The following ADGRL3 variants were observed in gnomAD, a reference collection of about 807,000 sequenced individuals.
The protein encoded by ADGRL3 is calcium-independent alpha-latrotoxin receptor 3.
A neutral mutation model predicts 153.5 loss-of-function variants in ADGRL3; 62 were observed. The observed-to-expected ratio is 0.40, with a 90% CI of 0.33 to 0.50. The LOEUF (loss-of-function observed/expected upper bound fraction) is 0.50, where lower values mean the gene tolerates loss of function less well. ADGRL3 is among the 20% of genes least tolerant of loss of function. ADGRL3 has a pLI of 0.47. For synonymous variants in ADGRL3, 710 were observed against 672.5 expected (o/e 1.06, Z -0.86); for missense variants, 1,641 against 1,859.4 (o/e 0.88, Z 2.16).
intron 5 of ADGRL3, among the ~76,000 whole-genome samples, chr4:61,588,830 C>A (rs2098957398): frequency 6.6e-6 from 1 of 151,880 alleles, no homozygotes; most frequent in Admixed American, 6.6e-5. Flanking sequence ...GCAGTGGGCA[C>A]TATGACTAAA....
At chr4:61,379,658 A>C (rs1031540045) in intron 1 of ADGRL3, among the ~76,000 whole-genome samples, 3 of 152,074 alleles carry the variant, frequency 2.0e-5, no homozygotes, top group African/African-American at 7.2e-5. Flanking sequence ...ATAGTTCAGT[A>C]GGTGATGCCA....
intron 9 of ADGRL3, among the ~76,000 whole-genome samples, chr4:61,826,718 AGAG>A (rs2097805470): frequency 1.3e-5 from 2 of 152,074 alleles, no homozygotes; most frequent in African/African-American, 2.4e-5. Context: ...TGACTTAGAG[AGAG>A]GTAAATCCAA....
At chr4:61,674,552 C>A (rs1034289109) in intron 5 of ADGRL3, among the ~76,000 whole-genome samples, 7 of 151,740 alleles carry the variant, frequency 4.6e-5, no homozygotes, top group Non-Finnish European at 1.5e-5. Flanking sequence ...ATTCACACAT[C>A]AGAATTAATA....
rs1280651592 is a variant in ADGRL3, at chr4:61,892,866, A to C, written c.1691A>C (p.Glu564Ala). 1.2e-6 allele frequency: 2 copies of C among 1,608,708 alleles called. No homozygotes were observed. The highest frequency in any genetic ancestry group is 8.5e-7 in the Non-Finnish European group (1 of 1,178,312). The change falls in exon 10 of 27, where the codon GAG becomes GCG. Residue 564 changes from glutamate (E) to alanine (A), a missense_variant. By Grantham distance (107) the Glu-to-Ala change is moderately radical. Around this residue, in one of 5 missense-constraint regions of ADGRL3, gnomAD observed 734 missense variants for 797.0 expected, o/e 0.92. Coordinates refer to ENST00000683033, the MANE Select transcript of ADGRL3 (RefSeq NM_001387552.1). ...TCGTCCCAAATCCCAGCTCTCGAAGAGAGCTGTGAGGCTGTGGAAGCCCGA... is the reference window on the plus strand; with the variant it reads ...TCGTCCCAAATCCCAGCTCTCGAAGCGAGCTGTGAGGCTGTGGAAGCCCGA... ...SASSQIPALE[E>A]SCEAVEAREI...
chr4:61,249,047 C>A (rs1472001651), intron 1 of ADGRL3, among the ~76,000 whole-genome samples: 1 of 152,140 alleles, frequency 6.6e-6, no homozygotes, highest in Non-Finnish European at 1.5e-5. Context: ...CTGTTTCCAA[C>A]AGGATGCAAA....
chr4:61,485,293 A>C (rs1388164697), intron 2 of ADGRL3, among the ~76,000 whole-genome samples: 1 of 152,226 alleles, frequency 6.6e-6, no homozygotes, highest in East Asian at 1.9e-4. Context: ...GAATTGCAAA[A>C]GAGACCACAT....
chr4:61,707,286 A>G (rs1377395898), intron 6 of ADGRL3, among the ~76,000 whole-genome samples: 1 of 152,240 alleles, frequency 6.6e-6, no homozygotes, highest in Non-Finnish European at 1.5e-5. Context: ...AAAATGTGAC[A>G]CAGAGACACC....
intron 1 of ADGRL3, among the ~76,000 whole-genome samples, chr4:61,367,440 ATG>A (rs1232770112): frequency 7.2e-6 from 1 of 139,710 alleles, no homozygotes; most frequent in Admixed American, 7.4e-5. Context: ...TCCTGTGTCC[ATG>A]TGTTCTCATT....
intron 4 of ADGRL3, among the ~76,000 whole-genome samples, chr4:61,551,981 G>A (rs1445876046): frequency 6.6e-6 from 1 of 152,048 alleles, no homozygotes; most frequent in African/African-American, 2.4e-5. Flanking sequence ...AAAATGTAGA[G>A]GTTATCACTC....
chr4:61,758,158 G>T (rs1241549916), intron 8 of ADGRL3, among the ~76,000 whole-genome samples: 1 of 152,094 alleles, frequency 6.6e-6, no homozygotes, highest in Non-Finnish European at 1.5e-5. Flanking sequence ...TTCAATTCCT[G>T]GAAATCCCTG....
At chr4:61,364,015 G>A (rs4860411) in intron 1 of ADGRL3, among the ~76,000 whole-genome samples, 82,416 of 151,736 alleles carry the variant, frequency 0.54, 24,247 homozygotes, top group Middle Eastern at 0.74. Flanking sequence ...AATATATGCC[G>A]TCCTCTGGGT....
chr4:62,044,652 A>G, intron 25 of ADGRL3, 103 bp downstream of exon 25: 1 of 686,498 alleles, frequency 1.5e-6, no homozygotes, highest in Non-Finnish European at 2.4e-6. Context: ...TCCACATGAT[A>G]GAAACATTGT....
chr4:61,672,562 A>G (rs1561039501), intron 5 of ADGRL3, among the ~76,000 whole-genome samples: 1 of 152,130 alleles, frequency 6.6e-6, no homozygotes, highest in Non-Finnish European at 1.5e-5. Context: ...GCCAACAGAT[A>G]TATTAAAAAG....
At chr4:61,417,074 GA>G (rs1252568820) in intron 2 of ADGRL3, among the ~76,000 whole-genome samples, 1 of 152,094 alleles carries the variant, frequency 6.6e-6, no homozygotes, top group Admixed American at 6.5e-5. Context: ...CTGCTGATCT[GA>G]CAGGAGGCAG....
intron 6 of ADGRL3, among the ~76,000 whole-genome samples, chr4:61,721,872 A>G (rs546307674): frequency 6.6e-6 from 1 of 152,234 alleles, no homozygotes; most frequent in African/African-American, 2.4e-5. Flanking sequence ...TTCAAATATG[A>G]ATAGAAATTT....
chr4:61,431,896 TC>T (rs1215951883), intron 2 of ADGRL3, among the ~76,000 whole-genome samples: 1 of 152,222 alleles, frequency 6.6e-6, no homozygotes, highest in African/African-American at 2.4e-5. Context: ...TTTTCTTTCT[TC>T]ATAAGTAAAA....
chr4:61,582,991 T>A (rs1159980039), intron 4 of ADGRL3, among the ~76,000 whole-genome samples: 1 of 152,100 alleles, frequency 6.6e-6, no homozygotes, highest in Non-Finnish European at 1.5e-5. Flanking sequence ...TGAATTCAAC[T>A]GATTATTAAC....
intron 8 of ADGRL3, among the ~76,000 whole-genome samples, chr4:61,759,688 G>A (rs569509506): frequency 6.6e-5 from 10 of 152,246 alleles, no homozygotes; most frequent in South Asian, 2.1e-4. Context: ...GCCATTCTCC[G>A]TCCAGCTTTG....
intron 4 of ADGRL3, among the ~76,000 whole-genome samples, chr4:61,523,519 G>A (rs1005592548): frequency 5.9e-5 from 9 of 151,998 alleles, no homozygotes; most frequent in African/African-American, 1.2e-4. Flanking sequence ...TGCATAATAC[G>A]TTCTTTGCAC....
Sources: allele counts gnomAD v4.1 joint callset (sites outside exome capture counted in the v4.1 genomes callset), GRCh38; gene constraint gnomAD v4.1.1; regional missense constraint gnomAD v4.1.1; transcripts MANE v1.5; gene names NCBI Gene and HGNC (gene_info 2026-07-23, HGNC 2026-07-21).